AKIP1: variants seen among roughly 807,000 people sequenced by gnomAD.
AKIP1 encodes the protein A-kinase-interacting protein 1.
In AKIP1, 18 loss-of-function variants were observed where a neutral mutation model predicts 22.3. The ratio of observed to expected loss-of-function variants is 0.81; its 90% CI spans 0.56 to 1.19. The LOEUF is 1.19. Among genes scored for constraint, AKIP1 ranks in the 50% most tolerant of loss-of-function variants. AKIP1 has a pLI of 0.00. For missense variants in AKIP1, 287 were observed against 264.6 expected (o/e 1.08, Z -0.59); for synonymous variants, 120 against 102.7 (o/e 1.17, Z -1.02).
At chr11:8,911,346 T>A (rs2064336778) in intron 1 of AKIP1, 98 bp from the exon 2 acceptor site, 3 of 1,110,054 alleles carry the variant, frequency 2.7e-6, no homozygotes, top group Non-Finnish European at 3.9e-6. Flanking sequence ...AGCGGTGGTC[T>A]CCAGGGAGGT....
chr11:8,918,502 G>A (rs2064522155), intron 5 of AKIP1, among the ~76,000 whole-genome samples: 1 of 152,176 alleles, frequency 6.6e-6, no homozygotes, highest in East Asian at 1.9e-4. Context: ...GTGTGGTAGT[G>A]GAATCGACAA....
At position 8,917,273 on chromosome 11, in the gene AKIP1, A is replaced by G. The variant is rs779213293; in HGVS notation, c.409-14A>G. On this transcript the variant is annotated splice_polypyrimidine_tract_variant and intron_variant, in intron 4 of 5. Transcript: ENST00000309377. Reference sequence around the variant, plus strand: ...AAGCTTGGGCACAAATCAGTGTTCTACTTGTCTCTTCAGAGAAAAGACAGA... The same window carrying G: ...AAGCTTGGGCACAAATCAGTGTTCTGCTTGTCTCTTCAGAGAAAAGACAGA... The G allele has an allele frequency of 2.2e-5, 34 of 1,580,660 alleles. No individual in the cohort carries two copies. Among genetic ancestry groups the G allele is most frequent in the Non-Finnish European group, 2.7e-5 (31 of 1,155,728 alleles).
chr11:8,919,705 C>G lies in AKIP1; in HGVS notation c.*225C>G, dbSNP rs1001874920. On this transcript the variant is annotated 3_prime_UTR_variant, in exon 6 of 6. Coordinates refer to ENST00000309377, the MANE Select transcript of AKIP1 (RefSeq NM_020642.4). ...AGGCTGGAGTGCAGTGGCGTGATCT[C>G]GGCTCACTGCAAGTTCCGCCTCCCG... The G allele has an allele frequency of 3.0e-5, 13 of 430,914 alleles. No individual in the cohort carries two copies. The highest frequency in any genetic ancestry group is 1.2e-4 in the Admixed American group (3 of 25,112). The allele number at this position is 430,914 out of a possible 1,614,324, so 26.7% of individuals were successfully genotyped here.
chr11:8,913,650 C>T (rs930679373), intron 3 of AKIP1, among the ~76,000 whole-genome samples: 1 of 152,192 alleles, frequency 6.6e-6, no homozygotes, highest in Middle Eastern at 3.2e-3. Flanking sequence ...GGCTGATCCA[C>T]AAAGGAGATG....
At chr11:8,916,922 A>T (rs2064494666) in intron 4 of AKIP1, among the ~76,000 whole-genome samples, 1 of 152,206 alleles carries the variant, frequency 6.6e-6, no homozygotes, top group South Asian at 2.1e-4. Flanking sequence ...AGCACAGAAG[A>T]GAATGTATTG....
intron 4 of AKIP1, among the ~76,000 whole-genome samples, chr11:8,915,763 G>A (rs1346267260): frequency 6.7e-6 from 1 of 149,736 alleles, no homozygotes; most frequent in East Asian, 2.0e-4. Flanking sequence ...AGCCTCCCAA[G>A]TAGCTGGGAC....
chr11:8,912,455 A>G lies in AKIP1; in HGVS notation c.225A>G (p.Arg75=), dbSNP rs1228900425. The G allele has an allele frequency of 1.7e-5, 27 of 1,613,386 alleles. No homozygotes were observed. Among genetic ancestry groups the G allele is most frequent in the Non-Finnish European group, 2.2e-5 (26 of 1,179,392 alleles). Residue 75 remains arginine, a splice_region_variant and synonymous_variant, in exon 3 of 6, where the codon AGA becomes AGG. Coordinates refer to ENST00000309377, the MANE Select transcript of AKIP1 (RefSeq NM_020642.4). ...AGPQRVLPGE[R]EERPPTLSAS... is the part of the protein sequence containing the mutation. The stretch of plus-strand genomic sequence containing the variant: ...TGACGTGCCATTTATTCAAATAGAG[A>G]GAAGAGAGACCCCCAACCCTTAGTG...
At chr11:8,912,736 C>T (rs1427113022) in intron 3 of AKIP1, among the ~76,000 whole-genome samples, 1 of 152,042 alleles carries the variant, frequency 6.6e-6, no homozygotes, top group African/African-American at 2.4e-5. Flanking sequence ...ATGCCTAACC[C>T]TGTAGCTGAC....
chr11:8,917,205 C>G, intron 4 of AKIP1, 82 bp from the exon 5 acceptor site: 1 of 882,208 alleles, frequency 1.1e-6, no homozygotes. Flanking sequence ...TTACTAACTC[C>G]TAATAAGGTA....
At chr11:8,918,920 A>AAAAG (rs2134821489) in intron 5 of AKIP1, among the ~76,000 whole-genome samples, 1 of 152,350 alleles carries the variant, frequency 6.6e-6, no homozygotes, top group South Asian at 2.1e-4. Flanking sequence ...AGCACCGTTT[A>AAAAG]AAAGAATGGC....
intron 4 of AKIP1, 62 bp from the exon 5 acceptor site, chr11:8,917,225 T>C (rs1236656868): frequency 8.6e-7 from 1 of 1,169,286 alleles, no homozygotes; most frequent in African/African-American, 1.5e-5. Flanking sequence ...AGAAGAGAAC[T>C]TCTCTTTACA....
rs1200398165 is a variant in AKIP1 at position 8,917,279 on chromosome 11, C to G, written c.409-8C>G. 6.3e-7 allele frequency: 1 copy of G among 1,591,332 alleles called. No individual in the cohort carries two copies. Among genetic ancestry groups the G allele is most frequent in the East Asian group, 2.2e-5 (1 of 44,590 alleles). ...GGGCACAAATCAGTGTTCTACTTGT[C>G]TCTTCAGAGAAAAGACAGAAAAAAG... is the stretch of plus-strand genomic sequence containing the variant. On this transcript the variant is annotated splice_region_variant and splice_polypyrimidine_tract_variant and intron_variant, in intron 4 of 5. Coordinates refer to ENST00000309377, the MANE Select transcript of AKIP1 (RefSeq NM_020642.4).
chr11:8,914,456 A>G (rs541400662), intron 3 of AKIP1, among the ~76,000 whole-genome samples: 62 of 152,314 alleles, frequency 4.1e-4, no homozygotes, highest in African/African-American at 1.4e-3. Context: ...GACAATAAAC[A>G]TGGAACCGTT....
chr11:8,912,887 T>TTC (rs2064415984), intron 3 of AKIP1, among the ~76,000 whole-genome samples: 2 of 141,066 alleles, frequency 1.4e-5, no homozygotes, highest in Admixed American at 1.4e-4. Flanking sequence ...TTTTTTTTTT[T>TTC]TTTTTGAGAC....
Position 8,912,459 on chromosome 11 carries a change from G to T in AKIP1, c.229G>T (p.Glu77Ter), listed in dbSNP as rs755501774. 4.3e-6 allele frequency: 7 copies of T among 1,613,814 alleles called. No individual in the cohort carries two copies. Among genetic ancestry groups the T allele is most frequent in the Non-Finnish European group, 5.9e-6 (7 of 1,179,694 alleles). The change falls in exon 3 of 6, where the codon GAG becomes TAG. Residue 77 changes from glutamate to a stop codon, truncating the protein, a stop_gained. Coordinates refer to ENST00000309377, the MANE Select transcript of AKIP1 (RefSeq NM_020642.4). LOFTEE classifies it high-confidence loss of function. ...GTGCCATTTATTCAAATAGAGAGAA[G>T]AGAGACCCCCAACCCTTAGTGCTTC... is the stretch of plus-strand genomic sequence containing the variant. ...PQRVLPGERE[E>*]RPPTLSASFR...
chr11:8,911,247 G>A, intron 1 of AKIP1, 24 bp downstream of exon 1: 1 of 579,396 alleles, frequency 1.7e-6, no homozygotes, highest in South Asian at 2.2e-5. Context: ...CTAAGTAGCG[G>A]AAGGGGTAGA....
At chr11:8,917,142 T>C (rs2064497787) in intron 4 of AKIP1, 145 bp from the exon 5 acceptor site, 2 of 555,034 alleles carry the variant, frequency 3.6e-6, no homozygotes, top group African/African-American at 3.7e-5. Flanking sequence ...CAGAATTCAC[T>C]TAAAAATGCC....
At chr11:8,915,053 T>A in intron 4 of AKIP1, 123 bp downstream of exon 4, 1 of 662,418 alleles carries the variant, frequency 1.5e-6, no homozygotes, top group Non-Finnish European at 2.6e-6. Flanking sequence ...TTACAGTGCT[T>A]AACAGAAATG....
intron 5 of AKIP1, chr11:8,917,790 G>C (rs117512119): frequency 1.7e-3 from 456 of 270,050 alleles, no homozygotes; most frequent in Non-Finnish European, 2.7e-3. Flanking sequence ...CAAAACATTT[G>C]AAGGCATTTG....
Sources: allele counts gnomAD v4.1 joint callset (sites outside exome capture counted in the v4.1 genomes callset), GRCh38; gene constraint gnomAD v4.1.1; transcripts MANE v1.5; gene names NCBI Gene and HGNC (gene_info 2026-07-23, HGNC 2026-07-21).